The following CAMTA1 variants were observed in gnomAD, a reference collection of about 807,000 sequenced individuals.
CAMTA1 encodes the protein calmodulin binding transcription activator 1, also known as calmodulin-binding transcription activator 1.
In CAMTA1, 27 loss-of-function variants were observed where a neutral mutation model predicts 170.9. That is an observed-to-expected ratio of 0.16 (90% confidence interval 0.12 to 0.22). The LOEUF is 0.22. Among genes scored for constraint, CAMTA1 ranks in the 10% least tolerant of loss-of-function variants. The pLI, the probability that CAMTA1 is intolerant of heterozygous loss-of-function variation, is 1.00. For missense variants in CAMTA1, 1,619 were observed against 2,217.2 expected (o/e 0.73, Z 5.42); for synonymous variants, 833 against 891.5 (o/e 0.93, Z 1.17).
intron 6 of CAMTA1, among the ~76,000 whole-genome samples, chr1:7,469,570 C>T (rs1010039095): frequency 1.3e-5 from 2 of 152,206 alleles, no homozygotes; most frequent in African/African-American, 4.8e-5. Flanking sequence ...TTCATGCCCC[C>T]TGGTCAGAAC....
intron 3 of CAMTA1, among the ~76,000 whole-genome samples, chr1:6,839,464 T>G (rs556917805): frequency 6.6e-6 from 1 of 152,322 alleles, no homozygotes. Flanking sequence ...GCAATATTTT[T>G]GAGGGCCTAC....
chr1:7,712,844 C>T (rs1348758736), intron 11 of CAMTA1, among the ~76,000 whole-genome samples: 3 of 8,494 alleles, frequency 3.5e-4, no homozygotes, highest in African/African-American at 3.8e-4. Flanking sequence ...AGCAAAGGCA[C>T]GTCTTAACAT....
chr1:6,941,846 C>G (rs1452701915), intron 3 of CAMTA1, among the ~76,000 whole-genome samples: 1 of 152,216 alleles, frequency 6.6e-6, no homozygotes, highest in Non-Finnish European at 1.5e-5. Context: ...CATGTGTCCA[C>G]TATAGGCATG....
At chr1:7,558,723 CCT>C (rs1489401971) in intron 6 of CAMTA1, among the ~76,000 whole-genome samples, 2 of 152,346 alleles carry the variant, frequency 1.3e-5, no homozygotes, top group Admixed American at 6.5e-5. Flanking sequence ...TCCGCCACCC[CCT>C]GTGTCTGCAG....
At chr1:6,789,634 T>C (rs369326677) in intron 1 of CAMTA1, among the ~76,000 whole-genome samples, 37 of 152,288 alleles carry the variant, frequency 2.4e-4, no homozygotes, top group African/African-American at 7.9e-4. Context: ...GAATTTGCCC[T>C]TCTGGGGAGA....
intron 6 of CAMTA1, among the ~76,000 whole-genome samples, chr1:7,569,642 C>T (rs534421473): frequency 6.6e-6 from 1 of 151,386 alleles, no homozygotes; most frequent in Non-Finnish European, 1.5e-5. Flanking sequence ...ATCATGATCA[C>T]TATCACCATC....
In CAMTA1 at chr1:7,144,817, T is replaced by C. The variant is rs1183869738; in HGVS notation, c.302+53446T>C. Among the ~76,000 whole-genome samples the C allele has an allele frequency of 6.6e-6, 1 of 152,244 alleles. No homozygotes were observed. The highest frequency in any genetic ancestry group is 1.5e-5 in the Non-Finnish European group (1 of 68,030). On this transcript the variant is annotated intron_variant, in intron 4 of 22. Transcript: ENST00000303635. The surrounding 1 kb of genome is among the most constrained non-coding windows in gnomAD (Gnocchi z 4.0). ...TACTTTATTGTTTAAAGTAGAGCCA[T>C]TGAGAATGTTCCCTATAATTTGAAC...
rs373350834 is a variant in CAMTA1, at chr1:7,663,486, C to G, written c.939C>G (p.His313Gln). ...ACAATGACGTGTCGGAGGGCAAGCACGAGCACAGCCACAGCAAGGGCTCCA... is the reference window on the plus strand; with the variant it reads ...ACAATGACGTGTCGGAGGGCAAGCAGGAGCACAGCCACAGCAAGGGCTCCA... Reference protein sequence around the residue: ...VQHNDVSEGKHEHSHSKGSSR... With the variant: ...VQHNDVSEGKQEHSHSKGSSR... The change falls in exon 9 of 23, where the codon CAC (histidine) becomes CAG (glutamine). Residue 313 changes from histidine (H) to glutamine (Q), a missense_variant. His to Gln is a conservative substitution (Grantham distance 24). Around this residue, in one of 8 missense-constraint regions of CAMTA1, gnomAD observed 731 missense variants for 907.6 expected, o/e 0.81. Transcript: ENST00000303635. The G allele has an allele frequency of 1.9e-6, 3 of 1,597,988 alleles. No homozygotes were observed. The highest frequency in any genetic ancestry group is 1.7e-5 in the Admixed American group (1 of 59,532).
intron 5 of CAMTA1, among the ~76,000 whole-genome samples, chr1:7,311,030 C>T (rs1676655675): frequency 6.6e-6 from 1 of 152,140 alleles, no homozygotes. Flanking sequence ...TGTGCCCAGC[C>T]AACAAGATTG....
Position 7,534,900 on chromosome 1 carries a change from C to T in CAMTA1, c.510+66999C>T, listed in dbSNP as rs1397341803. Among the ~76,000 whole-genome samples, 1 of 149,498 alleles carries T rather than the reference C, an allele frequency of 6.7e-6. No individual in the cohort carries two copies. The highest frequency in any genetic ancestry group is 1.5e-5 in the Non-Finnish European group (1 of 67,760). Reference sequence around the variant, plus strand: ...TTGCCTGGTACAGATGACTCTGTCTCGATTTTGAAAAAGATGCAGAAAGAA... The same window carrying T: ...TTGCCTGGTACAGATGACTCTGTCTTGATTTTGAAAAAGATGCAGAAAGAA... On this transcript the variant is annotated intron_variant, in intron 6 of 22. Transcript: ENST00000303635. The surrounding 1 kb of genome is among the most constrained non-coding windows in gnomAD (Gnocchi z 5.6).
chr1:7,495,074 G>T (rs1239021406), intron 6 of CAMTA1, among the ~76,000 whole-genome samples: 1 of 152,158 alleles, frequency 6.6e-6, no homozygotes, highest in Admixed American at 6.5e-5. Flanking sequence ...CTCAGTGGCT[G>T]CCCCCGTCGT....
intron 5 of CAMTA1, among the ~76,000 whole-genome samples, chr1:7,430,885 G>T (rs927954601): frequency 2.0e-5 from 3 of 152,156 alleles, no homozygotes; most frequent in Non-Finnish European, 4.4e-5. Context: ...TTATTGTCAG[G>T]TTAGAAGAAA....
chr1:7,685,954 T>C lies in CAMTA1; in HGVS notation c.2914+8221T>C, dbSNP rs552459340. Among the ~76,000 whole-genome samples the C allele has an allele frequency of 9.2e-5, 14 of 152,276 alleles. No homozygotes were observed. The highest frequency in any genetic ancestry group is 3.4e-3 in the Middle Eastern group (1 of 294). On this transcript the variant is annotated intron_variant, in intron 11 of 22. Coordinates refer to ENST00000303635, the MANE Select transcript of CAMTA1 (RefSeq NM_015215.4). This position sits in a 1 kb window ranked among gnomAD's most constrained non-coding sequence, Gnocchi z 5.7. Reference sequence around the variant, plus strand: ...GCTCACTCCCTCCCCGACATCCCAATACTAGCCTAGCATGTTTCTTTCCTT... The same window carrying C: ...GCTCACTCCCTCCCCGACATCCCAACACTAGCCTAGCATGTTTCTTTCCTT...
rs1692301980 is a variant in CAMTA1 at position 6,970,338 on chromosome 1, A to G, written c.235-120966A>G. ...TCCTGCTTTGCTTGCACGACGTGCC[A>G]TAAGCATCCTCCATATGTATTGGAG... On this transcript the variant is annotated intron_variant, in intron 3 of 22. Transcript: ENST00000303635. This position sits in a 1 kb window ranked among gnomAD's most constrained non-coding sequence, Gnocchi z 4.4. Among the ~76,000 whole-genome samples, 2 of 152,188 alleles carry G rather than the reference A, an allele frequency of 1.3e-5. No homozygotes were observed. Among genetic ancestry groups the G allele is most frequent in the African/African-American group, 4.8e-5 (2 of 41,446 alleles).
At position 6,798,643 on chromosome 1, in the gene CAMTA1, G is replaced by A. The variant is rs545490770; in HGVS notation, c.45+13068G>A. ...CTCGCTCTGTCGCCCAGGCCGGACTGCGGACTGCAGTGGCGCAATCTCGGC... is the reference window on the plus strand; with the variant it reads ...CTCGCTCTGTCGCCCAGGCCGGACTACGGACTGCAGTGGCGCAATCTCGGC... On this transcript the variant is annotated intron_variant, in intron 1 of 22. Coordinates refer to ENST00000303635, the MANE Select transcript of CAMTA1 (RefSeq NM_015215.4). Among the ~76,000 whole-genome samples the A allele has an allele frequency of 5.3e-3, 524 of 98,372 alleles. 50 individuals carry two copies. The highest frequency in any genetic ancestry group is 0.021 in the African/African-American group (493 of 23,342). 64.5% of individuals were successfully genotyped at this position (98,372 alleles called of 152,430 possible).
Position 7,580,002 on chromosome 1 carries a change from C to A in CAMTA1, c.511-60398C>A, listed in dbSNP as rs1461316208. Among the ~76,000 whole-genome samples the A allele has an allele frequency of 1.3e-5, 2 of 152,266 alleles. No homozygotes were observed. Among genetic ancestry groups the A allele is most frequent in the African/African-American group, 4.8e-5 (2 of 41,482 alleles). On this transcript the variant is annotated intron_variant, in intron 6 of 22. Coordinates refer to ENST00000303635, the MANE Select transcript of CAMTA1 (RefSeq NM_015215.4). This position sits in a 1 kb window ranked among gnomAD's most constrained non-coding sequence, Gnocchi z 4.3. ...AAGTGGGGGCTCCATAAACTTGGGG[C>A]AGCTCAGCTGAATCCACCCTCTCTC...
intron 4 of CAMTA1, among the ~76,000 whole-genome samples, chr1:7,139,675 C>T (rs888675582): frequency 6.6e-6 from 1 of 152,112 alleles, no homozygotes; most frequent in Non-Finnish European, 1.5e-5. Flanking sequence ...TATTCCTTGG[C>T]GACTAGGTAG....
intron 4 of CAMTA1, among the ~76,000 whole-genome samples, chr1:7,192,174 CTCCAGGATCAGG>C (rs1268588467): frequency 6.6e-6 from 1 of 152,232 alleles, no homozygotes; most frequent in East Asian, 1.9e-4. Flanking sequence ...CTGGTTGGGA[CTCCAGGATCAGG>C]TCTGTGAGAT....
At position 7,529,601 on chromosome 1, in the gene CAMTA1, C is replaced by T. The variant is rs552441960; in HGVS notation, c.510+61700C>T. Among the ~76,000 whole-genome samples the T allele has an allele frequency of 7.9e-5, 12 of 152,282 alleles. No homozygotes were observed. The East Asian group carries it at 2.3e-3, about 29-fold the overall frequency. Reference sequence around the variant, plus strand: ...TGCAGGCAGGCCCCGAGTCCACGTTCCCTGCTCCTCTGTGATACTTCTGCT... The same window carrying T: ...TGCAGGCAGGCCCCGAGTCCACGTTTCCTGCTCCTCTGTGATACTTCTGCT... On this transcript the variant is annotated intron_variant, in intron 6 of 22. Transcript: ENST00000303635.
Sources: allele counts gnomAD v4.1 joint callset (sites outside exome capture counted in the v4.1 genomes callset), GRCh38; gene constraint gnomAD v4.1.1; regional missense constraint gnomAD v4.1.1; non-coding constraint Gnocchi (gnomAD v3.1); transcripts MANE v1.5; gene names NCBI Gene and HGNC (gene_info 2026-07-23, HGNC 2026-07-21).